ENPP3: variants seen among roughly 807,000 people sequenced by gnomAD.
The protein encoded by ENPP3 is ectonucleotide pyrophosphatase/phosphodiesterase family member 3.
A neutral mutation model predicts 117.8 loss-of-function variants in ENPP3; 104 were observed. The ratio of observed to expected loss-of-function variants is 0.88; its 90% CI spans 0.75 to 1.04. ENPP3 has a LOEUF of 1.04. Among genes scored for constraint, ENPP3 ranks in the 50% least tolerant of loss-of-function variants. The pLI is 0.00. For synonymous variants in ENPP3, 380 were observed against 349.9 expected, an observed-to-expected ratio of 1.09 and a Z score of -0.96; for missense variants, 1,026 against 1,051.9, an observed-to-expected ratio of 0.98 and a Z score of 0.34.
chr6:131,658,268 T>C (rs1778426731), intron 5 of ENPP3, 55 bp from the exon 6 acceptor site: 2 of 930,464 alleles, frequency 2.1e-6, no homozygotes, highest in East Asian at 2.4e-5. Context: ...TGCAATGCTT[T>C]TGAGGTAAAT....
intron 6 of ENPP3, among the ~76,000 whole-genome samples, chr6:131,663,511 A>G (rs1218731204): frequency 1.5e-5 from 2 of 132,454 alleles, no homozygotes; most frequent in Non-Finnish European, 3.1e-5. Flanking sequence ...ACAAAGTGAA[A>G]CCCTGTCTCT....
intron 6 of ENPP3, among the ~76,000 whole-genome samples, chr6:131,662,735 G>A (rs1043846028): frequency 2.0e-5 from 3 of 151,966 alleles, no homozygotes; most frequent in African/African-American, 4.8e-5. Context: ...ATGTCATTGG[G>A]GTTTTGATAA....
intron 15 of ENPP3, among the ~76,000 whole-genome samples, chr6:131,717,351 GGTGTGTGTGTGTGT>G (rs71030754): frequency 1.7e-4 from 15 of 89,426 alleles, no homozygotes; most frequent in East Asian, 9.3e-4. Flanking sequence ...CCCTGCGGGG[GGTGTGTGTGTGTGT>G]GTGTGTGTGT....
At chr6:131,680,056 ACAGGAC>A in intron 11 of ENPP3, among the ~76,000 whole-genome samples, 1 of 152,314 alleles carries the variant, frequency 6.6e-6, no homozygotes, top group African/African-American at 2.4e-5. Flanking sequence ...AAAGGAGGTG[ACAGGAC>A]CAGATCTATG....
chr6:131,706,830 C>T (rs1324477744), intron 15 of ENPP3, among the ~76,000 whole-genome samples: 2 of 152,074 alleles, frequency 1.3e-5, no homozygotes, highest in Non-Finnish European at 2.9e-5. Context: ...CTATAGAACT[C>T]TATTTATCAA....
At chr6:131,713,076 T>A (rs1258046640) in intron 15 of ENPP3, among the ~76,000 whole-genome samples, 1 of 132,374 alleles carries the variant, frequency 7.6e-6, no homozygotes, top group East Asian at 2.3e-4. Flanking sequence ...TTTCCCATGC[T>A]GTTGTTGTGA....
chr6:131,649,982 T>G, intron 2 of ENPP3, 45 bp from the exon 3 acceptor site: 1 of 1,611,666 alleles, frequency 6.2e-7, no homozygotes, highest in South Asian at 1.1e-5. Context: ...TATGAGATAT[T>G]GAATAGCTCC....
chr6:131,641,406 T>A (rs769728401), intron 1 of ENPP3, 49 bp from the exon 2 acceptor site: 2 of 1,239,104 alleles, frequency 1.6e-6, no homozygotes, highest in Admixed American at 1.9e-5. Flanking sequence ...TTTGTATCTT[T>A]GTAATTTTTT....
At chr6:131,727,428 G>A (rs1780177495) in intron 20 of ENPP3, among the ~76,000 whole-genome samples, 1 of 151,982 alleles carries the variant, frequency 6.6e-6, no homozygotes, top group Middle Eastern at 3.4e-3. Context: ...GGTGGCATAT[G>A]CCTGCAATCC....
intron 2 of ENPP3, among the ~76,000 whole-genome samples, chr6:131,643,609 T>A (rs1778097914): frequency 6.6e-6 from 1 of 152,134 alleles, no homozygotes; most frequent in Non-Finnish European, 1.5e-5. Context: ...CCTGGGTCAT[T>A]TTCACCATTT....
At chr6:131,702,404 A>AT (rs1358300128) in intron 15 of ENPP3, among the ~76,000 whole-genome samples, 1 of 151,848 alleles carries the variant, frequency 6.6e-6, no homozygotes, top group Admixed American at 6.6e-5. Context: ...GTAAAGACTT[A>AT]TTTTTTAGCC....
intron 14 of ENPP3, among the ~76,000 whole-genome samples, chr6:131,692,055 T>G (rs1385696935): frequency 6.6e-6 from 1 of 151,928 alleles, no homozygotes; most frequent in Non-Finnish European, 1.5e-5. Flanking sequence ...TTGTGTAAAT[T>G]ATGTGCTTCA....
chr6:131,725,929 T>G (rs1780144492), intron 19 of ENPP3, 117 bp from the exon 20 acceptor site: 1 of 581,724 alleles, frequency 1.7e-6, no homozygotes, highest in Non-Finnish European at 3.0e-6. Context: ...TTTGTTAGAG[T>G]ACTTGTCATA....
chr6:131,665,226 T>G (rs1778593155), intron 6 of ENPP3, among the ~76,000 whole-genome samples: 1 of 152,144 alleles, frequency 6.6e-6, no homozygotes, highest in Non-Finnish European at 1.5e-5. Flanking sequence ...TATTGTGATA[T>G]CTGTGTAGCT....
chr6:131,656,082 C>A (rs1285896000), intron 5 of ENPP3, among the ~76,000 whole-genome samples: 1 of 152,154 alleles, frequency 6.6e-6, no homozygotes, highest in Non-Finnish European at 1.5e-5. Context: ...TACTATTTTG[C>A]TAGTGATCAT....
intron 6 of ENPP3, among the ~76,000 whole-genome samples, chr6:131,665,424 T>G (rs957988947): frequency 6.6e-6 from 1 of 152,122 alleles, no homozygotes; most frequent in African/African-American, 2.4e-5. Flanking sequence ...TCCTTACTGT[T>G]TATAGATTTA....
rs147525345 is a variant in ENPP3 at position 131,682,971 on chromosome 6, G to A, written c.1012-83G>A. 944 of 858,954 alleles carry A rather than the reference G, an allele frequency of 1.1e-3. 4 individuals carry two copies. The highest frequency in any genetic ancestry group is 2.2e-3 in the Middle Eastern group (10 of 4,512). The allele number at this position is 858,954 out of a possible 1,614,324, so 53.2% of individuals were successfully genotyped here. A position where few individuals can be genotyped will look rare whatever the true frequency, so the allele number is the denominator to read the frequency against. On this transcript the variant is annotated intron_variant, in intron 11 of 24. Coordinates refer to ENST00000357639, the MANE Select transcript of ENPP3 (RefSeq NM_005021.5). Reference sequence around the variant, plus strand: ...CCAGCAATTTCAGAGATGGAGATGTGTTTAATTTTTACTTCATTAGATAAC... The same window carrying A: ...CCAGCAATTTCAGAGATGGAGATGTATTTAATTTTTACTTCATTAGATAAC...
intron 11 of ENPP3, among the ~76,000 whole-genome samples, chr6:131,682,695 G>A (rs1779052143): frequency 6.6e-6 from 1 of 152,144 alleles, no homozygotes; most frequent in Non-Finnish European, 1.5e-5. Context: ...TGGAATGTAT[G>A]TGACCCTTAG....
intron 19 of ENPP3, among the ~76,000 whole-genome samples, chr6:131,725,737 A>G (rs975311868): frequency 2.6e-5 from 4 of 152,138 alleles, no homozygotes; most frequent in African/African-American, 9.7e-5. Flanking sequence ...TGTAAAATGT[A>G]AGGAATCACA....
Sources: gnomAD v4.1 joint callset for allele counts (sites outside exome capture counted in the v4.1 genomes callset) on GRCh38, gnomAD v4.1.1 for gene constraint, MANE v1.5 for transcripts, NCBI Gene and HGNC (gene_info 2026-07-23, HGNC 2026-07-21) for gene names.